PDE3A: variants seen among roughly 807,000 people sequenced by gnomAD.
PDE3A encodes the protein cGMP-inhibited 3',5'-cyclic phosphodiesterase 3A.
A neutral mutation model predicts 98.3 loss-of-function variants in PDE3A; 43 were observed. The observed-to-expected ratio is 0.44, with a 90% CI of 0.34 to 0.56. The LOEUF is 0.56. Among genes scored for constraint, PDE3A ranks in the 20% least tolerant of loss-of-function variants. The pLI is 0.01. For missense variants in PDE3A, 1,427 were observed against 1,440.7 expected, an observed-to-expected ratio of 0.99 and a Z score of 0.15; for synonymous variants, 663 against 567.9, an observed-to-expected ratio of 1.17 and a Z score of -2.38.
At chr12:20,550,961 A>G (rs73233951) in intron 1 of PDE3A, among the ~76,000 whole-genome samples, 11,329 of 150,858 alleles carry the variant, frequency 0.075, 559 homozygotes, top group African/African-American at 0.14. Flanking sequence ...TTCAAAGGGT[A>G]TGAATTTTTA....
In PDE3A at chr12:20,400,401, T is replaced by G. The variant is rs1191586002; in HGVS notation, c.960+30157T>G. On this transcript the variant is annotated intron_variant, in intron 1 of 15. Coordinates refer to ENST00000359062, the MANE Select transcript of PDE3A (RefSeq NM_000921.5). ...TTGGTTTTTTTTTTTTTTTTTTTTT[T>G]TTTTTTTTTTTTTTTTTTTTTTTGA... Among the ~76,000 whole-genome samples the G allele has an allele frequency of 7.4e-3, 927 of 125,400 alleles. 5 individuals carry two copies. The highest frequency in any genetic ancestry group is 0.012 in the Non-Finnish European group (733 of 60,548). The allele number at this position is 125,400 out of a possible 152,430, so 82.3% of individuals were successfully genotyped here. A position where few individuals can be genotyped will look rare whatever the true frequency, so the allele number is the denominator to read the frequency against.
chr12:20,382,547 C>T (rs868419677), intron 1 of PDE3A, among the ~76,000 whole-genome samples: 1 of 151,894 alleles, frequency 6.6e-6, no homozygotes, highest in South Asian at 2.1e-4. Flanking sequence ...ATATCAGCTT[C>T]ACTACCTATC....
chr12:20,497,004 A>C (rs549075113), intron 1 of PDE3A, among the ~76,000 whole-genome samples: 1 of 152,288 alleles, frequency 6.6e-6, no homozygotes, highest in South Asian at 2.1e-4. Context: ...TAGTATCTCA[A>C]AGTTTCAGCG....
intron 2 of PDE3A, among the ~76,000 whole-genome samples, chr12:20,584,533 C>A (rs1943147286): frequency 1.3e-5 from 2 of 152,080 alleles, no homozygotes; most frequent in African/African-American, 2.4e-5. Flanking sequence ...GGTTGGCAAC[C>A]TGTACTTTTA....
chr12:20,391,990 G>A (rs1369097170), intron 1 of PDE3A, among the ~76,000 whole-genome samples: 3 of 151,948 alleles, frequency 2.0e-5, no homozygotes, highest in Non-Finnish European at 4.4e-5. Flanking sequence ...GAAGGGGGAC[G>A]TGTAATTTTG....
chr12:20,544,199 A>G (rs959531618), intron 1 of PDE3A, among the ~76,000 whole-genome samples: 2 of 149,602 alleles, frequency 1.3e-5, no homozygotes, highest in African/African-American at 4.9e-5. Context: ...TATATATTTT[A>G]TATGTGTATA....
rs1186171393 is a variant in PDE3A, at chr12:20,687,669, C to T, written c.*7398C>T. ...TTTCTTCCTCAAGTTTTCTATCATG[C>T]AAATCACAAAATGAAAATTGGTGCT... On this transcript the variant is annotated 3_prime_UTR_variant, in exon 16 of 16. Coordinates refer to ENST00000359062, the MANE Select transcript of PDE3A (RefSeq NM_000921.5). Among the ~76,000 whole-genome samples the T allele has an allele frequency of 6.6e-6, 1 of 151,782 alleles. No individual in the cohort carries two copies. Among genetic ancestry groups the T allele is most frequent in the African/African-American group, 2.4e-5 (1 of 41,352 alleles).
intron 1 of PDE3A, among the ~76,000 whole-genome samples, chr12:20,386,953 G>A (rs902812209): frequency 1.3e-5 from 2 of 150,960 alleles, no homozygotes; most frequent in Non-Finnish European, 3.0e-5. Context: ...TTTTGTATAA[G>A]TTATAAGAAA....
At chr12:20,538,448 C>G (rs1941807670) in intron 1 of PDE3A, among the ~76,000 whole-genome samples, 1 of 152,100 alleles carries the variant, frequency 6.6e-6, no homozygotes, top group African/African-American at 2.4e-5. Flanking sequence ...TGACTTCTGC[C>G]CGTATCTCAT....
chr12:20,478,144 T>C (rs1348382111), intron 1 of PDE3A, among the ~76,000 whole-genome samples: 1 of 152,210 alleles, frequency 6.6e-6, no homozygotes, highest in Non-Finnish European at 1.5e-5. Context: ...GCTTTAGGAA[T>C]TCTTCTTCAT....
At chr12:20,380,868 A>G (rs1943652293) in intron 1 of PDE3A, among the ~76,000 whole-genome samples, 2 of 151,902 alleles carry the variant, frequency 1.3e-5, no homozygotes, top group African/African-American at 2.4e-5. Context: ...AATATAATTA[A>G]GCTATTTGTG....
chr12:20,500,450 ATACT>A (rs1946000825), intron 1 of PDE3A, among the ~76,000 whole-genome samples: 1 of 152,218 alleles, frequency 6.6e-6, no homozygotes, highest in Non-Finnish European at 1.5e-5. Context: ...TCTGAAGAGA[ATACT>A]TACCTATATT....
At position 20,584,398 on chromosome 12, in the gene PDE3A, G is replaced by A. The variant is rs180964364; in HGVS notation, c.1011+27688G>A. ...GAGAGATGTAGAACATTAAATGAAT[G>A]TTATGCTGTATAAGTCTCCTACCTC... On this transcript the variant is annotated intron_variant, in intron 2 of 15. Coordinates refer to ENST00000359062, the MANE Select transcript of PDE3A (RefSeq NM_000921.5). 8.3e-4 allele frequency among the ~76,000 whole-genome samples: 127 copies of A among 152,194 alleles called. 1 individual carries two copies. The highest frequency in any genetic ancestry group is 2.9e-3 in the African/African-American group (120 of 41,520).
chr12:20,676,058 T>TTC (rs370100368), intron 15 of PDE3A, among the ~76,000 whole-genome samples: 74 of 150,390 alleles, frequency 4.9e-4, no homozygotes, highest in African/African-American at 9.2e-4. Context: ...TTTTGTTCCT[T>TTC]TCTCTCTCTC....
In PDE3A at chr12:20,684,589, C is replaced by A. The variant is rs933212352; in HGVS notation, c.*4318C>A. ...ATTTCATTGATCGAACAAGCAGCAA[C>A]ACATTTTATGACCATTGTCCTAGGT... On this transcript the variant is annotated 3_prime_UTR_variant, in exon 16 of 16. Coordinates refer to ENST00000359062, the MANE Select transcript of PDE3A (RefSeq NM_000921.5). Among the ~76,000 whole-genome samples the A allele has an allele frequency of 1.3e-5, 2 of 152,182 alleles. No individual in the cohort carries two copies. Among genetic ancestry groups the A allele is most frequent in the African/African-American group, 4.8e-5 (2 of 41,442 alleles).
At chr12:20,541,713 G>A (rs1261008037) in intron 1 of PDE3A, among the ~76,000 whole-genome samples, 4 of 151,712 alleles carry the variant, frequency 2.6e-5, no homozygotes, top group African/African-American at 9.7e-5. Context: ...GAATACATTT[G>A]CAATAAAACT....
At chr12:20,378,123 C>T (rs1222360143) in intron 1 of PDE3A, among the ~76,000 whole-genome samples, 1 of 151,678 alleles carries the variant, frequency 6.6e-6, no homozygotes, top group African/African-American at 2.4e-5. Context: ...GAAAATGGTT[C>T]ATTCTGTGTA....
chr12:20,526,829 CTG>C (rs1292229793), intron 1 of PDE3A, among the ~76,000 whole-genome samples: 2 of 150,584 alleles, frequency 1.3e-5, no homozygotes, highest in South Asian at 2.1e-4. Context: ...TTGAAGTAAA[CTG>C]TGAAGCTAAT....
At chr12:20,422,496 C>A (rs1944535838) in intron 1 of PDE3A, among the ~76,000 whole-genome samples, 1 of 152,090 alleles carries the variant, frequency 6.6e-6, no homozygotes, top group South Asian at 2.1e-4. Flanking sequence ...AATCTAACAC[C>A]TTTGAATAAA....
Sources: gnomAD v4.1 joint callset for allele counts (sites outside exome capture counted in the v4.1 genomes callset) on GRCh38, gnomAD v4.1.1 for gene constraint, MANE v1.5 for transcripts, NCBI Gene and HGNC (gene_info 2026-07-23, HGNC 2026-07-21) for gene names.